The following SRFBP1 variants were observed in gnomAD, a reference collection of about 807,000 sequenced individuals.
The protein encoded by SRFBP1 is serum response factor-binding protein 1.
Under a neutral mutation model 45.5 loss-of-function variants are expected in SRFBP1, and 47 were observed. That is an observed-to-expected ratio of 1.03 (90% confidence interval 0.82 to 1.32). The LOEUF (loss-of-function observed/expected upper bound fraction) is 1.32, where lower values mean the gene tolerates loss of function less well. Ranked by LOEUF, SRFBP1 falls within the 40% of genes most tolerant of loss-of-function variation. SRFBP1 has a pLI of 0.00. For missense variants in SRFBP1, 621 were observed against 484.6 expected (o/e 1.28, Z -2.64); for synonymous variants, 203 against 166.3 (o/e 1.22, Z -1.70).
At chr5:122,032,442 T>C (rs1168825964), downstream of SRFBP1, among the ~76,000 whole-genome samples, 3 of 152,066 alleles carry the variant, frequency 2.0e-5, no homozygotes, top group African/African-American at 7.2e-5. Context: ...GGTAAATTCT[T>C]CCTGTGTTCC....
chr5:122,025,804 A>G (rs982954766), intron 7 of SRFBP1, among the ~76,000 whole-genome samples: 2 of 152,222 alleles, frequency 1.3e-5, no homozygotes, highest in Non-Finnish European at 2.9e-5. Context: ...AGAGGTCTTT[A>G]AAAGGCTTCT....
At chr5:122,059,170 C>T (rs1228302179) in intron 2 of SRFBP1, among the ~76,000 whole-genome samples, 1 of 152,074 alleles carries the variant, frequency 6.6e-6, no homozygotes, top group Middle Eastern at 3.2e-3. Flanking sequence ...GGAGATGGGG[C>T]AACAAGGCTT....
intron 2 of SRFBP1, among the ~76,000 whole-genome samples, chr5:122,072,676 AC>A (rs779380401): frequency 6.6e-6 from 1 of 152,214 alleles, no homozygotes; most frequent in Non-Finnish European, 1.5e-5. Context: ...AATGAAAAAA[AC>A]AAATATATAA....
intron 4 of SRFBP1, among the ~76,000 whole-genome samples, chr5:122,014,163 C>T (rs1283585321): frequency 6.6e-6 from 1 of 151,776 alleles, no homozygotes; most frequent in Non-Finnish European, 1.5e-5. Flanking sequence ...AAATTATTGT[C>T]AAAATAAAAC....
intron 2 of SRFBP1, among the ~76,000 whole-genome samples, chr5:122,040,077 C>A (rs2112729001): frequency 1.3e-5 from 2 of 152,040 alleles, no homozygotes; most frequent in East Asian, 3.9e-4. Flanking sequence ...TATTCTTATA[C>A]CTTTTCTTTA....
At chr5:121,993,732 A>ATAAGTT (rs1752660847) in intron 3 of SRFBP1, among the ~76,000 whole-genome samples, 1 of 152,122 alleles carries the variant, frequency 6.6e-6, no homozygotes, top group South Asian at 2.1e-4. Flanking sequence ...AATGCTTTTC[A>ATAAGTT]TAAGTTTTGA....
downstream of SRFBP1, chr5:122,077,196 G>A: frequency 6.8e-7 from 1 of 1,469,888 alleles, no homozygotes; most frequent in Non-Finnish European, 9.0e-7. This position sits in a 1 kb window ranked among gnomAD's most constrained non-coding sequence, Gnocchi z 4.9. Flanking sequence ...GGCCAGACGC[G>A]CGGTTTGCAC....
chr5:122,060,688 A>G (rs983142954), intron 2 of SRFBP1, among the ~76,000 whole-genome samples: 4 of 152,108 alleles, frequency 2.6e-5, no homozygotes, highest in African/African-American at 9.7e-5. Flanking sequence ...TCTGCAGGCA[A>G]CCAGATTTGC....
intron 3 of SRFBP1, among the ~76,000 whole-genome samples, chr5:121,980,052 G>A (rs897969752): frequency 7.2e-5 from 11 of 152,116 alleles, no homozygotes; most frequent in African/African-American, 2.7e-4. Context: ...AGACTAAACA[G>A]CATCACCTCC....
At chr5:122,040,677 C>T (rs1753759629) in intron 2 of SRFBP1, among the ~76,000 whole-genome samples, 1 of 152,022 alleles carries the variant, frequency 6.6e-6, no homozygotes, top group Non-Finnish European at 1.5e-5. Flanking sequence ...TCGTAGGCAC[C>T]AGCTATGATA....
At chr5:121,979,950 A>T (rs188639892) in intron 3 of SRFBP1, among the ~76,000 whole-genome samples, 99 of 152,320 alleles carry the variant, frequency 6.5e-4, no homozygotes, top group African/African-American at 1.9e-3. Context: ...GGGACAGCCT[A>T]CTAAGAGCAT....
At chr5:122,036,081 ACT>A (rs554041369) in intron 2 of SRFBP1, among the ~76,000 whole-genome samples, 5 of 152,222 alleles carry the variant, frequency 3.3e-5, no homozygotes, top group South Asian at 4.2e-4. Context: ...GGTTGCTCAA[ACT>A]CTGCACGTTC....
At chr5:122,057,706 G>A (rs1754107880) in intron 2 of SRFBP1, among the ~76,000 whole-genome samples, 2 of 151,898 alleles carry the variant, frequency 1.3e-5, no homozygotes, top group Admixed American at 1.3e-4. Context: ...CTGCTAAAAT[G>A]ATTAAGTGAA....
At chr5:122,077,991 C>CT, downstream of SRFBP1, 1 of 1,446,412 alleles carries the variant, frequency 6.9e-7, no homozygotes, top group Non-Finnish European at 9.1e-7. This position sits in a 1 kb window ranked among gnomAD's most constrained non-coding sequence, Gnocchi z 4.9. Context: ...CGCATCACTC[C>CT]TTTTGCCAGA....
chr5:121,973,506 A>G (rs1752241373), intron 1 of SRFBP1, among the ~76,000 whole-genome samples: 1 of 151,502 alleles, frequency 6.6e-6, no homozygotes, highest in Non-Finnish European at 1.5e-5. Context: ...TTTTATAACT[A>G]TAATTTCCAT....
chr5:121,963,074 C>G (rs1053741239), intron 1 of SRFBP1, among the ~76,000 whole-genome samples: 1 of 152,032 alleles, frequency 6.6e-6, no homozygotes, highest in Non-Finnish European at 1.5e-5. Context: ...GGATCTTGCA[C>G]AGGAATTGCA....
chr5:122,023,530 A>C (rs1006923242), intron 7 of SRFBP1, among the ~76,000 whole-genome samples: 1 of 152,230 alleles, frequency 6.6e-6, no homozygotes, highest in Middle Eastern at 3.2e-3. Context: ...AAAAAATGGA[A>C]GGCACACAAC....
intron 2 of SRFBP1, among the ~76,000 whole-genome samples, chr5:122,035,901 G>A (rs1296532186): frequency 1.3e-5 from 2 of 152,152 alleles, no homozygotes; most frequent in African/African-American, 4.8e-5. Flanking sequence ...TTTGCACTGA[G>A]CAAGCTTGAG....
intron 2 of SRFBP1, among the ~76,000 whole-genome samples, chr5:122,057,179 G>A (rs547380503): frequency 2.0e-5 from 3 of 152,222 alleles, no homozygotes; most frequent in South Asian, 2.1e-4. Flanking sequence ...CAGATCATTT[G>A]TATAAGGTTA....
Sources: allele counts gnomAD v4.1 joint callset (sites outside exome capture counted in the v4.1 genomes callset), GRCh38; gene constraint gnomAD v4.1.1; non-coding constraint Gnocchi (gnomAD v3.1); transcripts MANE v1.5; gene names NCBI Gene and HGNC (gene_info 2026-07-23, HGNC 2026-07-21).